The following SLC35E3 variants were observed in gnomAD, a reference collection of about 807,000 sequenced individuals.
SLC35E3 encodes bladder cancer-overexpressed gene 1 protein.
A neutral mutation model predicts 30.8 loss-of-function variants in SLC35E3; 28 were observed. The ratio of observed to expected loss-of-function variants is 0.91; its 90% CI spans 0.67 to 1.25. SLC35E3 has a LOEUF of 1.25. Ranked by LOEUF, SLC35E3 falls within the 50% of genes most tolerant of loss-of-function variation. The probability of loss-of-function intolerance (pLI) is 0.00; values close to 1 mark genes in which losing one functional copy is unlikely to be tolerated. For synonymous variants in SLC35E3, 146 were observed against 149.2 expected, an observed-to-expected ratio of 0.98 and a Z score of 0.16; for missense variants, 365 against 375.4, an observed-to-expected ratio of 0.97 and a Z score of 0.23.
intron 3 of SLC35E3, 23 bp downstream of exon 3, chr12:68,752,213 T>G: frequency 6.3e-7 from 1 of 1,576,150 alleles, no homozygotes; most frequent in South Asian, 1.2e-5. Flanking sequence ...TGTTTTGATA[T>G]CTAAGAAACA....
At chr12:68,751,979 T>C (rs895113636) in intron 2 of SLC35E3, 53 bp from the exon 3 acceptor site, 12 of 1,502,382 alleles carry the variant, frequency 8.0e-6, no homozygotes, top group East Asian at 2.3e-5. Flanking sequence ...GCATCTTTGA[T>C]TATGTGATAC....
In SLC35E3 at chr12:68,768,303, A is replaced by G. The variant is rs1314810909; in HGVS notation, c.*3413A>G. On this transcript the variant is annotated 3_prime_UTR_variant, in exon 5 of 5. Transcript: ENST00000398004. Reference sequence around the variant, plus strand: ...AAACTCTGTCTCAAAAAAAGAAAAAAAAAAAGAAATTTTTAACCGTAAATA... The same window carrying G: ...AAACTCTGTCTCAAAAAAAGAAAAAGAAAAAGAAATTTTTAACCGTAAATA... 1 of 149,976 alleles carries G rather than the reference A, an allele frequency of 6.7e-6. No individual in the cohort carries two copies. The highest frequency in any genetic ancestry group is 2.0e-4 in the East Asian group (1 of 4,932). 9.3% of individuals were successfully genotyped at this position (149,976 alleles called of 1,614,324 possible).
intron 2 of SLC35E3, among the ~76,000 whole-genome samples, chr12:68,750,128 A>G (rs938213425): frequency 6.6e-6 from 1 of 152,154 alleles, no homozygotes; most frequent in Non-Finnish European, 1.5e-5. Context: ...GGAACATAGG[A>G]GAACCTGACT....
chr12:68,760,371 A>G (rs1014398604), intron 4 of SLC35E3, among the ~76,000 whole-genome samples: 5 of 152,224 alleles, frequency 3.3e-5, no homozygotes, highest in African/African-American at 1.2e-4. Flanking sequence ...AACAACAACG[A>G]TAAGTTTTTT....
chr12:68,752,577 A>G (rs1263257119), intron 3 of SLC35E3, among the ~76,000 whole-genome samples: 1 of 152,258 alleles, frequency 6.6e-6, no homozygotes, highest in Non-Finnish European at 1.5e-5. Flanking sequence ...AAAAATATAA[A>G]GAAAGTGAAG....
chr12:68,755,974 G>T (rs950269011), intron 3 of SLC35E3, among the ~76,000 whole-genome samples: 1 of 152,032 alleles, frequency 6.6e-6, no homozygotes, highest in East Asian at 1.9e-4. Flanking sequence ...TAACTGGCTC[G>T]CAATCCCACA....
At chr12:68,748,399 G>A (rs951378154) in intron 2 of SLC35E3, among the ~76,000 whole-genome samples, 1 of 152,072 alleles carries the variant, frequency 6.6e-6, no homozygotes, top group African/African-American at 2.4e-5. Flanking sequence ...GAAGGAGTGA[G>A]TATACTTCCA....
chr12:68,752,243 A>G, intron 3 of SLC35E3, 53 bp downstream of exon 3: 1 of 1,471,020 alleles, frequency 6.8e-7, no homozygotes, highest in Non-Finnish European at 9.1e-7. Flanking sequence ...TAACTCCTCC[A>G]TTATTAATGT....
intron 3 of SLC35E3, among the ~76,000 whole-genome samples, chr12:68,758,442 G>A (rs1417376665): frequency 6.6e-6 from 1 of 151,896 alleles, no homozygotes; most frequent in Non-Finnish European, 1.5e-5. Flanking sequence ...AAAAGATCTC[G>A]AAGGAGGTAT....
chr12:68,755,246 A>T (rs137965359), intron 3 of SLC35E3, among the ~76,000 whole-genome samples: 38 of 152,266 alleles, frequency 2.5e-4, no homozygotes, highest in Non-Finnish European at 4.4e-4. Context: ...GGATTTCAAC[A>T]TAGGAATTTT....
At chr12:68,747,878 T>C (rs1878652568) in intron 1 of SLC35E3, 52 bp from the exon 2 acceptor site, 1 of 922,316 alleles carries the variant, frequency 1.1e-6, no homozygotes, top group Non-Finnish European at 1.8e-6. Context: ...GAATACTAAA[T>C]TTTTGTCTCT....
intron 2 of SLC35E3, among the ~76,000 whole-genome samples, chr12:68,748,988 A>T (rs1419530503): frequency 6.6e-6 from 1 of 152,252 alleles, no homozygotes; most frequent in African/African-American, 2.4e-5. Context: ...GTGGCAGAGA[A>T]GCAGTTTAAA....
At chr12:68,751,982 T>C in intron 2 of SLC35E3, 50 bp from the exon 3 acceptor site, 1 of 1,518,230 alleles carries the variant, frequency 6.6e-7, no homozygotes, top group Non-Finnish European at 8.9e-7. Flanking sequence ...TCTTTGATTA[T>C]GTGATACTAT....
intron 2 of SLC35E3, among the ~76,000 whole-genome samples, chr12:68,748,334 T>C (rs1878672387): frequency 6.6e-6 from 1 of 152,194 alleles, no homozygotes; most frequent in African/African-American, 2.4e-5. Context: ...GTAAGACTTT[T>C]TACTTCCTAA....
At position 68,765,824 on chromosome 12, in the gene SLC35E3, C is replaced by T. The variant is rs1879392820; in HGVS notation, c.*934C>T. ...GAAAATTAAAGTTCTGTGATAATGACAAAGGAATTGCTGTTACTGTACTGC... is the reference window on the plus strand; with the variant it reads ...GAAAATTAAAGTTCTGTGATAATGATAAAGGAATTGCTGTTACTGTACTGC... On this transcript the variant is annotated 3_prime_UTR_variant, in exon 5 of 5. Transcript: ENST00000398004. The T allele has an allele frequency of 6.7e-6, 1 of 150,300 alleles. No homozygotes were observed. The highest frequency in any genetic ancestry group is 2.1e-4 in the South Asian group (1 of 4,742). 9.3% of individuals were successfully genotyped at this position (150,300 alleles called of 1,614,324 possible). A position where few individuals can be genotyped will look rare whatever the true frequency, so the allele number is the denominator to read the frequency against.
chr12:68,755,981 C>T (rs1878985788), intron 3 of SLC35E3, among the ~76,000 whole-genome samples: 1 of 152,118 alleles, frequency 6.6e-6, no homozygotes, highest in Non-Finnish European at 1.5e-5. Context: ...CTCGCAATCC[C>T]ACAGCTAATA....
chr12:68,749,987 G>A (rs1878731913), intron 2 of SLC35E3, among the ~76,000 whole-genome samples: 2 of 152,154 alleles, frequency 1.3e-5, no homozygotes, highest in African/African-American at 4.8e-5. Context: ...GGGTGGGTAA[G>A]AGGGAAGGAA....
In SLC35E3 at chr12:68,778,320, G is replaced by T. The variant is rs1362742527; in HGVS notation, c.*13430G>T. 1 of 152,062 alleles carries T rather than the reference G, an allele frequency of 6.6e-6. No homozygotes were observed. The highest frequency in any genetic ancestry group is 1.5e-5 in the Non-Finnish European group (1 of 68,026). The allele number at this position is 152,062 out of a possible 1,614,324, so 9.4% of individuals were successfully genotyped here. A position where few individuals can be genotyped will look rare whatever the true frequency, so the allele number is the denominator to read the frequency against. On this transcript the variant is annotated 3_prime_UTR_variant, in exon 5 of 5. Transcript: ENST00000398004. ...GAGATTTTAAATACTTCTAATAGAG[G>T]TGATAGAGCAGGCAGCAGGGAAGTT... is the stretch of plus-strand genomic sequence containing the variant.
chr12:68,752,430 A>G (rs1156656011), intron 3 of SLC35E3, among the ~76,000 whole-genome samples: 1 of 152,220 alleles, frequency 6.6e-6, no homozygotes. Flanking sequence ...ACTACAATTA[A>G]TGTCTTCCGA....
Sources: gnomAD v4.1 joint callset for allele counts (sites outside exome capture counted in the v4.1 genomes callset) on GRCh38, gnomAD v4.1.1 for gene constraint, MANE v1.5 for transcripts, NCBI Gene and HGNC (gene_info 2026-07-23, HGNC 2026-07-21) for gene names.